The following ANKRD30BL variants were observed in gnomAD, a reference collection of about 807,000 sequenced individuals.
ANKRD30BL encodes putative ankyrin repeat domain-containing protein 30B-like.
Under a neutral mutation model 18.4 loss-of-function variants are expected in ANKRD30BL, and 20 were observed. The ratio of observed to expected loss-of-function variants is 1.09; its 90% CI spans 0.77 to 1.58. The LOEUF is 1.58. Ranked by LOEUF, ANKRD30BL falls within the 40% of genes most tolerant of loss-of-function variation. The pLI is 0.00. For synonymous variants in ANKRD30BL, 72 were observed against 100.9 expected (o/e 0.71, Z 1.72); for missense variants, 224 against 268.6 (o/e 0.83, Z 1.16).
At chr2:132,228,876 T>C (rs2104779781) in intron 1 of ANKRD30BL, among the ~76,000 whole-genome samples, 3 of 151,824 alleles carry the variant, frequency 2.0e-5, no homozygotes, top group Admixed American at 2.0e-4. Context: ...GAAACTCTCT[T>C]TTTGTAGAAT....
chr2:132,201,900 C>T lies in ANKRD30BL; in HGVS notation n.442-44754G>A, dbSNP rs922614250. Among the ~76,000 whole-genome samples the T allele has an allele frequency of 7.7e-4, 117 of 152,214 alleles. 1 individual carries two copies. The highest frequency in any genetic ancestry group is 1.4e-3 in the Non-Finnish European group (95 of 68,014). On this transcript the variant is annotated intron_variant and non_coding_transcript_variant, in intron 1 of 4. Coordinates refer to the ANKRD30BL transcript ENST00000470729. ...AAGACTTGGAACCAACCCAAATGTC[C>T]AATAATGATAGACTGGATTAAGAAA...
intron 1 of ANKRD30BL, among the ~76,000 whole-genome samples, chr2:132,245,117 C>G (rs576841324): frequency 2.6e-5 from 4 of 152,404 alleles, no homozygotes; most frequent in South Asian, 2.1e-4. Flanking sequence ...TAAAACTAGA[C>G]AGAAGCATTC....
chr2:132,198,640 A>ACAGTTTTTGCTCTGTTGC, intron 1 of ANKRD30BL, among the ~76,000 whole-genome samples: 1 of 141,902 alleles, frequency 7.0e-6, no homozygotes, highest in Non-Finnish European at 1.5e-5. Context: ...TTTTTTTTAG[A>ACAGTTTTTGCTCTGTTGC]CAGTTTTTGC....
intron 1 of ANKRD30BL, among the ~76,000 whole-genome samples, chr2:132,179,112 G>C (rs1453897455): frequency 6.6e-6 from 1 of 151,810 alleles, no homozygotes; most frequent in Non-Finnish European, 1.5e-5. Context: ...TGATGTCATT[G>C]TCAATGTAAT....
At chr2:132,199,791 A>G (rs1679056135) in intron 1 of ANKRD30BL, among the ~76,000 whole-genome samples, 1 of 152,208 alleles carries the variant, frequency 6.6e-6, no homozygotes, top group Non-Finnish European at 1.5e-5. Context: ...GATATTTAAA[A>G]GTCATTCTTT....
At chr2:132,221,376 T>G (rs1573858959) in intron 1 of ANKRD30BL, among the ~76,000 whole-genome samples, 3 of 107,834 alleles carry the variant, frequency 2.8e-5, no homozygotes, top group East Asian at 2.8e-4. Flanking sequence ...GGAGGGGGGG[T>G]CAGCCCCCTG....
At chr2:132,206,651 A>G (rs1679218238) in intron 1 of ANKRD30BL, among the ~76,000 whole-genome samples, 1 of 152,214 alleles carries the variant, frequency 6.6e-6, no homozygotes. Context: ...TTAGATTCTC[A>G]TTCAATAGGT....
chr2:132,178,097 C>T (rs1373214556), intron 1 of ANKRD30BL, among the ~76,000 whole-genome samples: 6 of 152,028 alleles, frequency 3.9e-5, no homozygotes, highest in East Asian at 1.9e-4. Context: ...AACAGTTAAT[C>T]GGTGAATTCA....
At chr2:132,164,869 G>A (rs957468583), upstream of ANKRD30BL, among the ~76,000 whole-genome samples, 7 of 151,938 alleles carry the variant, frequency 4.6e-5, no homozygotes, top group Non-Finnish European at 7.4e-5. Flanking sequence ...CAGAAGATGG[G>A]GACCATCCTG....
chr2:132,256,808 C>G (rs925918801), intron 1 of ANKRD30BL, among the ~76,000 whole-genome samples: 1 of 152,250 alleles, frequency 6.6e-6, no homozygotes, highest in Non-Finnish European at 1.5e-5. Flanking sequence ...CCCCACCAGG[C>G]AGAGCCGGGT....
intron 1 of ANKRD30BL, among the ~76,000 whole-genome samples, chr2:132,159,103 T>G (rs946157569): frequency 6.6e-6 from 1 of 150,886 alleles, no homozygotes; most frequent in African/African-American, 2.5e-5. Context: ...TTTTATCATA[T>G]TTCATACACA....
intron 1 of ANKRD30BL, among the ~76,000 whole-genome samples, chr2:132,194,051 TCTCTCACA>T (rs769642027): frequency 1.0e-4 from 14 of 140,006 alleles, no homozygotes; most frequent in African/African-American, 3.8e-4. Flanking sequence ...TCTCTCTCTC[TCTCTCACA>T]CACACACACA....
rs193054984 is a variant in ANKRD30BL at position 132,198,276 on chromosome 2, C to A, written n.442-41130G>T. Among the ~76,000 whole-genome samples the A allele has an allele frequency of 4.6e-3, 158 of 34,110 alleles. 1 individual carries two copies. The highest frequency in any genetic ancestry group is 8.7e-3 in the Non-Finnish European group (136 of 15,718). 22.4% of individuals were successfully genotyped at this position (34,110 alleles called of 152,430 possible). On this transcript the variant is annotated intron_variant and non_coding_transcript_variant, in intron 1 of 4. Coordinates refer to the ANKRD30BL transcript ENST00000470729. ...TATACCTTCTTTCTTTCTTTTCTTTCTTTCTTTCTTTCTTTCTTTCTTTCT... is the reference window on the plus strand; with the variant it reads ...TATACCTTCTTTCTTTCTTTTCTTTATTTCTTTCTTTCTTTCTTTCTTTCT...
At position 132,198,315 on chromosome 2, in the gene ANKRD30BL, TCTTTC is replaced by T. The variant is rs1558928567; in HGVS notation, n.442-41174_442-41170del. Among the ~76,000 whole-genome samples the T allele has an allele frequency of 7.0e-3, 128 of 18,168 alleles. 6 individuals are homozygous for T. Among genetic ancestry groups the T allele is most frequent in the Admixed American group, 8.7e-3 (18 of 2,062 alleles). 11.9% of individuals were successfully genotyped at this position (18,168 alleles called of 152,430 possible). ...TTCTTTCTTTCTTTCTTTCTTTCTT[TCTTTC>T]TTTCTTTTTTTTTTTTTTTTTTAGA... On this transcript the variant is annotated intron_variant and non_coding_transcript_variant, in intron 1 of 4. Transcript: ENST00000470729.
chr2:132,228,210 A>G (rs1679898612), intron 1 of ANKRD30BL, among the ~76,000 whole-genome samples: 1 of 152,114 alleles, frequency 6.6e-6, no homozygotes, highest in Non-Finnish European at 1.5e-5. Context: ...TAGAATCTGC[A>G]AGTTAACATT....
At chr2:132,242,180 G>T (rs58508988) in intron 1 of ANKRD30BL, among the ~76,000 whole-genome samples, 1 of 151,554 alleles carries the variant, frequency 6.6e-6, no homozygotes, top group Non-Finnish European at 1.5e-5. Flanking sequence ...TGAGGATTTC[G>T]TTGGAAACGG....
intron 4 of ANKRD30BL, chr2:132,153,618 A>T: frequency 2.1e-6 from 2 of 966,248 alleles, no homozygotes; most frequent in Non-Finnish European, 3.1e-6. Context: ...GCTTCAGCAC[A>T]GATGTCAACA....
At chr2:132,158,956 A>G (rs894810729) in intron 1 of ANKRD30BL, among the ~76,000 whole-genome samples, 2 of 152,040 alleles carry the variant, frequency 1.3e-5, no homozygotes, top group African/African-American at 4.8e-5. Flanking sequence ...TTATTGGTGC[A>G]AAATTATATT....
chr2:132,165,966 C>A (rs1688181282), upstream of ANKRD30BL, among the ~76,000 whole-genome samples: 1 of 151,992 alleles, frequency 6.6e-6, no homozygotes, highest in Admixed American at 6.6e-5. Flanking sequence ...TGTAGATGTT[C>A]TTTGTCAAGT....
Sources: gnomAD v4.1 joint callset for allele counts (sites outside exome capture counted in the v4.1 genomes callset) on GRCh38, gnomAD v4.1.1 for gene constraint, MANE v1.5 for transcripts, NCBI Gene and HGNC (gene_info 2026-07-23, HGNC 2026-07-21) for gene names.